KIR2DL4: variants seen among roughly 807,000 people sequenced by gnomAD.
KIR2DL4 encodes the protein killer cell immunoglobulin like receptor, two Ig domains and long cytoplasmic tail 4.
In KIR2DL4, 41 loss-of-function variants were observed where a neutral mutation model predicts 31.0. The ratio of observed to expected loss-of-function variants is 1.32; its 90% confidence interval spans 1.03 to 1.72. The LOEUF (loss-of-function observed/expected upper bound fraction) is 1.72, where lower values mean the gene tolerates loss of function less well. KIR2DL4 is among the 40% of genes most tolerant of loss of function. The probability of loss-of-function intolerance (pLI) is 0.00; values close to 1 mark genes in which losing one functional copy is unlikely to be tolerated. For synonymous variants in KIR2DL4, 164 were observed against 133.6 expected, an observed-to-expected ratio of 1.23 and a Z score of -1.57; for missense variants, 438 against 353.7, an observed-to-expected ratio of 1.24 and a Z score of -1.91.
chr19:54,810,865 G>GC (rs2060826684), intron 5 of KIR2DL4, among the ~76,000 whole-genome samples: 1 of 151,268 alleles, frequency 6.6e-6, no homozygotes, highest in African/African-American at 2.4e-5. Context: ...GGCAATTCCC[G>GC]CCCCCCTGGT....
At chr19:54,813,039 G>T in intron 5 of KIR2DL4, 1 of 1,076,194 alleles carries the variant, frequency 9.3e-7, no homozygotes, top group Non-Finnish European at 1.3e-6. Flanking sequence ...GTTTTATGTG[G>T]TTGCCTGGCA....
intron 2 of KIR2DL4, 35 bp downstream of exon 2, chr19:54,803,961 C>A: frequency 1.9e-6 from 3 of 1,589,888 alleles, no homozygotes; most frequent in Non-Finnish European, 1.7e-6. Context: ...TTGCCATCTT[C>A]ACCCCAATAC....
At chr19:54,805,857 G>A (rs2060484883) in intron 3 of KIR2DL4, 94 bp from the exon 4 acceptor site, 1 of 1,016,398 alleles carries the variant, frequency 9.8e-7, no homozygotes, top group African/African-American at 1.7e-5. Flanking sequence ...AGAGCACTAG[G>A]CCATAGAGCA....
At chr19:54,803,729 A>C in intron 1 of KIR2DL4, 38 bp downstream of exon 1, 9 of 1,601,554 alleles carry the variant, frequency 5.6e-6, no homozygotes, top group Non-Finnish European at 7.7e-6. Context: ...GGGTTACACT[A>C]TGGGCCTGCA....
At position 54,803,696 on chromosome 19, in the gene KIR2DL4, G is replaced by A; in HGVS notation, c.40+5G>A. 1 of 1,611,618 alleles carries A rather than the reference G, an allele frequency of 6.2e-7. No individual in the cohort carries two copies. Among genetic ancestry groups the A allele is most frequent in the South Asian group, 1.1e-5 (1 of 90,598 alleles). ...TCATCATCCTGGCATGTCTTGGTGA[G>A]TCCTGGAAGGGAAGGAGCACCAGGG... On this transcript the variant is annotated splice_donor_5th_base_variant and intron_variant, in intron 1 of 7. Transcript: ENST00000359085.
intron 6 of KIR2DL4, among the ~76,000 whole-genome samples, chr19:54,813,462 A>G (rs1318509097): frequency 9.3e-5 from 14 of 150,456 alleles, no homozygotes; most frequent in African/African-American, 2.0e-4. Flanking sequence ...ATCCAGGAGA[A>G]GATTCCATGA....
At chr19:54,808,479 T>C (rs1185284799) in intron 4 of KIR2DL4, among the ~76,000 whole-genome samples, 3 of 150,902 alleles carry the variant, frequency 2.0e-5, no homozygotes, top group African/African-American at 7.4e-5. Context: ...TTGTAGATTC[T>C]TCGAACCTTT....
chr19:54,810,422 G>A (rs1382106697), intron 5 of KIR2DL4, among the ~76,000 whole-genome samples: 5 of 151,186 alleles, frequency 3.3e-5, no homozygotes, highest in East Asian at 1.9e-4. Context: ...CCAAGGCGCC[G>A]AGCCGTATTT....
At chr19:54,805,241 C>A (rs1398741567) in intron 3 of KIR2DL4, among the ~76,000 whole-genome samples, 164 bp downstream of exon 3, 3 of 151,148 alleles carry the variant, frequency 2.0e-5, no homozygotes, top group Non-Finnish European at 4.4e-5. Context: ...GAATAACTGT[C>A]CCCATCGATG....
chr19:54,807,077 C>T (rs1272877743), intron 4 of KIR2DL4, among the ~76,000 whole-genome samples: 6 of 150,558 alleles, frequency 4.0e-5, no homozygotes, highest in Non-Finnish European at 5.9e-5. Context: ...CCTTCCTAAC[C>T]TCTGGTATCC....
At chr19:54,810,472 G>T (rs2060795996) in intron 5 of KIR2DL4, among the ~76,000 whole-genome samples, 1 of 151,548 alleles carries the variant, frequency 6.6e-6, no homozygotes, top group South Asian at 2.1e-4. Context: ...ATAATTTCGG[G>T]TGACAGAGAA....
exon 8 of KIR2DL4, chr19:54,813,953 G>A (rs752230810): frequency 6.2e-7 from 1 of 1,612,404 alleles, no homozygotes; most frequent in East Asian, 2.2e-5. Flanking sequence ...ACCCTCAACA[G>A]ATACCAGCGT....
chr19:54,810,370 G>A (rs2060789202), intron 5 of KIR2DL4, among the ~76,000 whole-genome samples: 1 of 150,986 alleles, frequency 6.6e-6, no homozygotes, highest in Admixed American at 6.6e-5. Context: ...TAAGGGATCC[G>A]CCCGTCTCAG....
At chr19:54,806,785 A>G (rs2060557338) in intron 4 of KIR2DL4, among the ~76,000 whole-genome samples, 2 of 150,268 alleles carry the variant, frequency 1.3e-5, no homozygotes, top group African/African-American at 4.9e-5. Context: ...AGGCAGGTGG[A>G]TCATTTAAAA....
At chr19:54,814,411 C>T in exon 8 of KIR2DL4, 2 of 408,372 alleles carry the variant, frequency 4.9e-6, no homozygotes, top group Non-Finnish European at 8.8e-6. Context: ...CGTGCTGTTC[C>T]ACCTTTCCTC....
At position 54,806,115 on chromosome 19, in the gene KIR2DL4, G is replaced by A. The variant is rs1247146509; in HGVS notation, c.526G>A (p.Gly176Arg). Residue 176 changes from glycine (G) to arginine (R), a missense_variant, in exon 4 of 8, where the codon GGA (glycine) becomes AGA (arginine). By Grantham distance (125) the Gly-to-Arg change is moderately radical (BLOSUM62 -2). Coordinates refer to ENST00000359085, the Ensembl canonical transcript of KIR2DL4. ...GCTCCCTGCAGTGCCCAGCATCAAT[G>A]GAACATTCCAGGCCGACTTCCCTCT... The A allele has an allele frequency of 5.6e-6, 9 of 1,612,036 alleles. No individual in the cohort carries two copies. In the African/African-American group the frequency reaches 9.4e-5, roughly 17 times the overall value.
chr19:54,809,145 CTG>C (rs947821803), intron 5 of KIR2DL4, among the ~76,000 whole-genome samples: 5 of 151,034 alleles, frequency 3.3e-5, no homozygotes, highest in African/African-American at 1.2e-4. Flanking sequence ...AGGAAAAATG[CTG>C]TGTTTGTTCT....
At chr19:54,809,071 T>A (rs1169138302) in intron 5 of KIR2DL4, among the ~76,000 whole-genome samples, 188 bp downstream of exon 5, 1 of 151,280 alleles carries the variant, frequency 6.6e-6, no homozygotes, top group African/African-American at 2.4e-5. Context: ...AATCTCTTAA[T>A]CTCTAATTTT....
At chr19:54,813,631 A>G in intron 6 of KIR2DL4, 59 bp from the exon 6 acceptor site, 1 of 1,559,070 alleles carries the variant, frequency 6.4e-7, no homozygotes, top group South Asian at 1.1e-5. Context: ...GTATCTGTTC[A>G]TGAAATGAGG....
Sources: allele counts gnomAD v4.1 joint callset (sites outside exome capture counted in the v4.1 genomes callset), GRCh38; gene constraint gnomAD v4.1.1; transcripts MANE v1.5; gene names NCBI Gene and HGNC (gene_info 2026-07-23, HGNC 2026-07-21).